Variants in NDST1 observed in about 807,000 individuals in gnomAD.
The protein encoded by NDST1 is N-deacetylase and N-sulfotransferase 1, also known as bifunctional heparan sulfate N-deacetylase/N-sulfotransferase 1.
A neutral mutation model predicts 92.8 loss-of-function variants in NDST1; 35 were observed. The ratio of observed to expected loss-of-function variants is 0.38; its 90% CI spans 0.29 to 0.50. NDST1 has a LOEUF of 0.50. NDST1 is among the 20% of genes least tolerant of loss of function. NDST1 has a pLI of 0.94. For synonymous variants in NDST1, 493 were observed against 500.3 expected (o/e 0.99, Z 0.19); for missense variants, 822 against 1,182.7 (o/e 0.69, Z 4.47).
chr5:150,535,631 C>G, intron 5 of NDST1, 69 bp from the exon 6 acceptor site: 1 of 1,564,290 alleles, frequency 6.4e-7, no homozygotes, highest in Non-Finnish European at 8.8e-7. Context: ...TCCCATTCTA[C>G]AAAGGGGGGA....
Position 150,539,226 on chromosome 5 carries a change from A to G in NDST1, c.1438-2A>G. 6.2e-7 allele frequency: 1 copy of G among 1,610,876 alleles called. No homozygotes were observed. ...AGCTCCTCTCCCCCACCCCCTCCTC[A>G]GGTTCTCCCACGGCAGACCTGCGGC... is the stretch of plus-strand genomic sequence containing the variant. On this transcript the variant is annotated splice_acceptor_variant, in intron 6 of 14. Coordinates refer to ENST00000261797, the MANE Select transcript of NDST1 (RefSeq NM_001543.5). LOFTEE classifies it high-confidence loss of function.
chr5:150,554,155 A>G lies in NDST1; in HGVS notation c.*823A>G. ...CCCACACCCTCCCAGCCTCAGGCCC[A>G]GGCAGACATGGGCGAGCTGGTGAGA... On this transcript the variant is annotated 3_prime_UTR_variant, in exon 15 of 15. Transcript: ENST00000261797. 1 of 398,876 alleles carries G rather than the reference A, an allele frequency of 2.5e-6. No homozygotes were observed. The highest frequency in any genetic ancestry group is 4.4e-6 in the Non-Finnish European group (1 of 226,024). 24.7% of individuals were successfully genotyped at this position (398,876 alleles called of 1,614,324 possible). A position where few individuals can be genotyped will look rare whatever the true frequency, so the allele number is the denominator to read the frequency against.
chr5:150,516,541 TGGA>T, intron 1 of NDST1, among the ~76,000 whole-genome samples: 1 of 152,292 alleles, frequency 6.6e-6, no homozygotes, highest in East Asian at 1.9e-4. Flanking sequence ...TACTAAATGG[TGGA>T]GCTTAGTTTT....
upstream of NDST1, among the ~76,000 whole-genome samples, chr5:150,504,229 C>T (rs1753352730): frequency 6.6e-6 from 1 of 152,228 alleles, no homozygotes; most frequent in African/African-American, 2.4e-5. Context: ...CAGGCTGTCA[C>T]CGGGCATTGC....
At position 150,555,191 on chromosome 5, in the gene NDST1, T is replaced by C. The variant is rs906077081; in HGVS notation, c.*1859T>C. ...CCTTGGGACCCTACTCTGTGCCAGG[T>C]TCCTGTCCCTTCCTCCGTCACAGCA... is the stretch of plus-strand genomic sequence containing the variant. On this transcript the variant is annotated 3_prime_UTR_variant, in exon 15 of 15. Transcript: ENST00000261797. The C allele has an allele frequency of 2.6e-5, 4 of 152,790 alleles. No homozygotes were observed. Among genetic ancestry groups the C allele is most frequent in the African/African-American group, 9.6e-5 (4 of 41,468 alleles). The allele number at this position is 152,790 out of a possible 1,614,324, so 9.5% of individuals were successfully genotyped here.
At chr5:150,508,750 A>T (rs771681033) in intron 1 of NDST1, among the ~76,000 whole-genome samples, 9 of 152,130 alleles carry the variant, frequency 5.9e-5, no homozygotes, top group Non-Finnish European at 8.8e-5. Context: ...CATGTTCTTA[A>T]CTTGGCTTTT....
chr5:150,520,383 C>T (rs1325307126), intron 1 of NDST1, among the ~76,000 whole-genome samples: 1 of 151,900 alleles, frequency 6.6e-6, no homozygotes, highest in African/African-American at 2.4e-5. Context: ...TATGGGGCTG[C>T]TGGGCTCATT....
In NDST1 at chr5:150,528,257, G is replaced by A. The variant is rs1392222515; in HGVS notation, c.967G>A (p.Val323Met). The A allele has an allele frequency of 2.5e-6, 4 of 1,608,742 alleles. No homozygotes were observed. Among genetic ancestry groups the A allele is most frequent in the Non-Finnish European group, 3.4e-6 (4 of 1,175,574 alleles). ...YILVDIDDIF[V>M]GKEGTRMKVE... ...CCTGGTGGACATTGATGACATCTTCGTGGGCAAGGAGGGCACACGCATGAA... is the reference window on the plus strand; with the variant it reads ...CCTGGTGGACATTGATGACATCTTCATGGGCAAGGAGGGCACACGCATGAA... Residue 323 changes from valine (V) to methionine (M), a missense_variant, in exon 3 of 15, where the codon GTG (valine) becomes ATG (methionine). Coordinates refer to ENST00000261797, the MANE Select transcript of NDST1 (RefSeq NM_001543.5).
At chr5:150,500,239 C>T (rs774080342) in intron 1 of NDST1, among the ~76,000 whole-genome samples, 58 of 152,330 alleles carry the variant, frequency 3.8e-4, no homozygotes, top group Admixed American at 2.0e-3. Context: ...GCCTCCTGCT[C>T]TGATTCTTTC....
rs1755821103 is a variant in NDST1, at chr5:150,554,127, G to A, written c.*795G>A. On this transcript the variant is annotated 3_prime_UTR_variant, in exon 15 of 15. Coordinates refer to ENST00000261797, the MANE Select transcript of NDST1 (RefSeq NM_001543.5). Reference sequence around the variant, plus strand: ...TAACATGTTCCCATGTACAGACACGGTCCCCACACCCTCCCAGCCTCAGGC... The same window carrying A: ...TAACATGTTCCCATGTACAGACACGATCCCCACACCCTCCCAGCCTCAGGC... The A allele has an allele frequency of 2.5e-6, 1 of 399,112 alleles. No individual in the cohort carries two copies. The highest frequency in any genetic ancestry group is 1.3e-4 in the South Asian group (1 of 7,858). 24.7% of individuals were successfully genotyped at this position (399,112 alleles called of 1,614,324 possible). A position where few individuals can be genotyped will look rare whatever the true frequency, so the allele number is the denominator to read the frequency against.
At chr5:150,548,032 G>T (rs1412073204) in intron 11 of NDST1, among the ~76,000 whole-genome samples, 186 bp from the exon 12 acceptor site, 2 of 152,154 alleles carry the variant, frequency 1.3e-5, no homozygotes, top group Admixed American at 1.3e-4. Context: ...AGATGGAGAA[G>T]TTGGGGCTCT....
chr5:150,506,420 G>C (rs1398837487), upstream of NDST1, among the ~76,000 whole-genome samples: 1 of 152,106 alleles, frequency 6.6e-6, no homozygotes, highest in East Asian at 1.9e-4. Flanking sequence ...ACCTGGCAGT[G>C]AGCACCTTCT....
chr5:150,532,499 A>C (rs1035029449), intron 3 of NDST1, among the ~76,000 whole-genome samples: 3 of 150,604 alleles, frequency 2.0e-5, no homozygotes, highest in Non-Finnish European at 3.0e-5. Flanking sequence ...ATGTGGTTTA[A>C]TGCCTGCTGT....
In NDST1 at chr5:150,532,926, T is replaced by C; in HGVS notation, c.1009-19T>C. On this transcript the variant is annotated intron_variant, in intron 3 of 14. Coordinates refer to ENST00000261797, the MANE Select transcript of NDST1 (RefSeq NM_001543.5). The stretch of plus-strand genomic sequence containing the variant: ...CCTGGCTTTCCCTCACTCATTCCTT[T>C]CTCCCCTGCCTGTCCTAGGCCCTGT... The C allele has an allele frequency of 6.2e-7, 1 of 1,612,366 alleles. No individual in the cohort carries two copies. The highest frequency in any genetic ancestry group is 8.5e-7 in the Non-Finnish European group (1 of 1,178,454).
intron 13 of NDST1, chr5:150,550,662 A>G (rs1188013973): frequency 6.6e-6 from 1 of 152,250 alleles, no homozygotes; most frequent in Admixed American, 6.5e-5. Context: ...AAGTTTTGCA[A>G]CAAGAATATT....
Position 150,532,612 on chromosome 5 carries a change from C to T in NDST1, c.1009-333C>T, listed in dbSNP as rs370263258. Among the ~76,000 whole-genome samples the T allele has an allele frequency of 3.3e-5, 5 of 152,254 alleles. No homozygotes were observed. In the South Asian group the frequency reaches 1.0e-3, roughly 32 times the overall value. On this transcript the variant is annotated intron_variant, in intron 3 of 14. Transcript: ENST00000261797. ...GTGCGATCTCGGCTCACTGCACCTC[C>T]GCCTCCCGGGTTCAAGCGATTCTCC...
At chr5:150,527,629 G>A (rs776960056) in intron 2 of NDST1, among the ~76,000 whole-genome samples, 175 bp from the exon 3 acceptor site, 5 of 152,210 alleles carry the variant, frequency 3.3e-5, no homozygotes, top group South Asian at 2.1e-4. Flanking sequence ...TAAGTGAGTC[G>A]TGTGTTTGTG....
intron 5 of NDST1, 152 bp downstream of exon 5, chr5:150,535,173 C>G (rs1754925899): frequency 7.6e-7 from 1 of 1,311,918 alleles, no homozygotes; most frequent in African/African-American, 1.5e-5. Flanking sequence ...CCTTTATAGC[C>G]ACTGTCTCCT....
chr5:150,539,450 G>A, intron 7 of NDST1, 94 bp downstream of exon 7: 2 of 1,604,890 alleles, frequency 1.2e-6, no homozygotes, highest in Non-Finnish European at 1.7e-6. Context: ...AGGAAAGGGT[G>A]GAGAGGCATG....
Sources: gnomAD v4.1 joint callset for allele counts (sites outside exome capture counted in the v4.1 genomes callset) on GRCh38, gnomAD v4.1.1 for gene constraint, MANE v1.5 for transcripts, NCBI Gene and HGNC (gene_info 2026-07-23, HGNC 2026-07-21) for gene names.